The following CFAP46 variants were observed in gnomAD, a reference collection of about 807,000 sequenced individuals.
The protein encoded by CFAP46 is cilia- and flagella-associated protein 46.
In CFAP46, 245 loss-of-function variants were observed where a neutral mutation model predicts 325.7. The observed-to-expected ratio is 0.75, with a 90% CI of 0.68 to 0.84. The LOEUF (loss-of-function observed/expected upper bound fraction) is 0.84. CFAP46 is among the 40% of genes least tolerant of loss of function. CFAP46 has a pLI of 0.00. For missense variants in CFAP46, 3,346 were observed against 3,543.0 expected (o/e 0.94, Z 1.41); for synonymous variants, 1,523 against 1,495.9 (o/e 1.02, Z -0.42).
intron 50 of CFAP46, among the ~76,000 whole-genome samples, 163 bp downstream of exon 50, chr10:132,833,195 T>C (rs1848179929): frequency 6.6e-6 from 1 of 152,228 alleles, no homozygotes; most frequent in South Asian, 2.1e-4. Flanking sequence ...GGCTGGTGAG[T>C]ATTTATATCC....
intron 40 of CFAP46, among the ~76,000 whole-genome samples, chr10:132,850,829 C>T (rs1000857927): frequency 1.3e-5 from 2 of 152,218 alleles, no homozygotes; most frequent in African/African-American, 4.8e-5. Context: ...TCCACATATG[C>T]ATTAATTATT....
intron 50 of CFAP46, among the ~76,000 whole-genome samples, chr10:132,826,027 G>A (rs28654492): frequency 0.044 from 2,925 of 66,732 alleles, 78 homozygotes; most frequent in Middle Eastern, 0.11. Context: ...GGCAGGAGCC[G>A]GAGCCATGGA....
chr10:132,821,540 G>T (rs1292884605), intron 50 of CFAP46, among the ~76,000 whole-genome samples: 1 of 140,922 alleles, frequency 7.1e-6, no homozygotes, highest in African/African-American at 2.7e-5. Flanking sequence ...GTGTGCTGAT[G>T]TGTGCTGTGT....
At chr10:132,871,207 G>A (rs950390812) in intron 32 of CFAP46, among the ~76,000 whole-genome samples, 1 of 152,220 alleles carries the variant, frequency 6.6e-6, no homozygotes, top group South Asian at 2.1e-4. Flanking sequence ...TTTCCAAATA[G>A]TACTGCTCAT....
At chr10:132,901,165 T>C (rs1387461762) in intron 22 of CFAP46, among the ~76,000 whole-genome samples, 1 of 152,208 alleles carries the variant, frequency 6.6e-6, no homozygotes, top group Non-Finnish European at 1.5e-5. Flanking sequence ...GTTCTGTATC[T>C]GTGTCTTTAC....
At chr10:132,809,918 T>C (rs568701860) in intron 57 of CFAP46, among the ~76,000 whole-genome samples, 40 of 152,318 alleles carry the variant, frequency 2.6e-4, no homozygotes, top group Admixed American at 2.5e-3. Flanking sequence ...CCTCAACCCA[T>C]GCATTCCTCT....
intron 16 of CFAP46, among the ~76,000 whole-genome samples, chr10:132,917,059 C>T (rs1163264670): frequency 6.6e-6 from 1 of 152,238 alleles, no homozygotes; most frequent in Non-Finnish European, 1.5e-5. Flanking sequence ...CTGCGCTGGC[C>T]TCCGGGGCGT....
At chr10:132,934,706 TA>T (rs749888075) in intron 8 of CFAP46, 45 bp downstream of exon 8, 13 of 1,284,766 alleles carry the variant, frequency 1.0e-5, no homozygotes, top group Non-Finnish European at 1.5e-5. Flanking sequence ...CTAAATTTTG[TA>T]CAACGATTAT....
intron 50 of CFAP46, among the ~76,000 whole-genome samples, chr10:132,822,047 GTGTGCTGTGTGTGCTGA>G: frequency 7.0e-6 from 1 of 143,580 alleles, no homozygotes; most frequent in South Asian, 2.3e-4. Context: ...GTGTGCTGAT[GTGTGCTGTGTGTGCTGA>G]TGTGTGCTGT....
intron 13 of CFAP46, among the ~76,000 whole-genome samples, chr10:132,921,626 T>G (rs1849723226): frequency 6.6e-6 from 1 of 152,152 alleles, no homozygotes; most frequent in Non-Finnish European, 1.5e-5. Context: ...TGACCTTCTT[T>G]GGAGGTAATT....
rs1849745531 is a variant in CFAP46 at position 132,922,681 on chromosome 10, C to T, written c.1284G>A (p.Val428=). ...CCTCGATCTGCGCCATCTCCATGTGCACTTGACAGCGGAGAAGCGTCATGA... is the reference window on the plus strand; with the variant it reads ...CCTCGATCTGCGCCATCTCCATGTGTACTTGACAGCGGAGAAGCGTCATGA... ...DSLMTLLRCQ[V]HMEMAQIEED... The change falls in exon 12 of 58, where the codon GTG becomes GTA. Residue 428 remains valine, a synonymous_variant. Transcript: ENST00000368586. The T allele has an allele frequency of 6.5e-7, 1 of 1,549,324 alleles. No homozygotes were observed. The highest frequency in any genetic ancestry group is 8.7e-7 in the Non-Finnish European group (1 of 1,146,270).
intron 24 of CFAP46, among the ~76,000 whole-genome samples, chr10:132,897,701 G>A (rs938378001): frequency 3.3e-5 from 5 of 152,200 alleles, no homozygotes; most frequent in Admixed American, 2.0e-4. Context: ...GCTTGCCTCC[G>A]TACTCTCCAG....
At chr10:132,915,026 G>C (rs955539328) in intron 17 of CFAP46, among the ~76,000 whole-genome samples, 12 of 152,288 alleles carry the variant, frequency 7.9e-5, no homozygotes, top group African/African-American at 2.9e-4. Context: ...GACGTGGACA[G>C]GGTCTGTCCG....
At chr10:132,926,481 C>A in intron 10 of CFAP46, 87 bp downstream of exon 10, 1 of 998,864 alleles carries the variant, frequency 1.0e-6, no homozygotes, top group Non-Finnish European at 1.5e-6. Context: ...CCCCAGCACC[C>A]TCAAGCCTGG....
chr10:132,814,461 A>T (rs1408303426), intron 53 of CFAP46, 116 bp downstream of exon 53: 7 of 1,314,814 alleles, frequency 5.3e-6, no homozygotes, highest in South Asian at 5.1e-5. Context: ...GGGCAAGCAC[A>T]TATGCAGATT....
At chr10:132,856,170 C>G (rs1017868563) in intron 39 of CFAP46, among the ~76,000 whole-genome samples, 2 of 152,260 alleles carry the variant, frequency 1.3e-5, no homozygotes, top group African/African-American at 4.8e-5. Context: ...CTCAGCTACA[C>G]TGCTTCTGCA....
intron 44 of CFAP46, among the ~76,000 whole-genome samples, chr10:132,840,863 G>A (rs1042748970): frequency 5.9e-5 from 9 of 152,130 alleles, no homozygotes; most frequent in South Asian, 2.1e-4. Context: ...AGCGCTGTTC[G>A]GTTTTAGCCA....
At position 132,922,019 on chromosome 10, in the gene CFAP46, T is replaced by C. The variant is rs114438112; in HGVS notation, c.1606+85A>G. On this transcript the variant is annotated intron_variant, in intron 13 of 57. Coordinates refer to ENST00000368586, the MANE Select transcript of CFAP46 (RefSeq NM_001200049.3). ...ATCCAGGGGGCGGTGGCAGGGAGCA[T>C]GGGGACTGGGGAGGCCCCGGGGCAG... The C allele has an allele frequency of 6.0e-3, 8,718 of 1,450,464 alleles. 414 individuals are homozygous for C. In the African/African-American group the frequency reaches 0.1, roughly 17 times the overall value. 89.8% of individuals were successfully genotyped at this position (1,450,464 alleles called of 1,614,324 possible). A position where few individuals can be genotyped will look rare whatever the true frequency, so the allele number is the denominator to read the frequency against.
At chr10:132,811,222 C>T (rs956192141) in intron 55 of CFAP46, among the ~76,000 whole-genome samples, 191 bp from the exon 56 acceptor site, 1 of 152,226 alleles carries the variant, frequency 6.6e-6, no homozygotes, top group African/African-American at 2.4e-5. Flanking sequence ...ACCTCGCCAG[C>T]CTCAGGAGCC....
Sources: allele counts gnomAD v4.1 joint callset (sites outside exome capture counted in the v4.1 genomes callset), GRCh38; gene constraint gnomAD v4.1.1; transcripts MANE v1.5; gene names NCBI Gene and HGNC (gene_info 2026-07-23, HGNC 2026-07-21).